The following BFAR variants were observed in gnomAD, a reference collection of about 807,000 sequenced individuals.
The protein encoded by BFAR is bifunctional apoptosis regulator.
BFAR carries 52 observed loss-of-function variants against 54.4 expected under a neutral mutation model. That is an observed-to-expected ratio of 0.96 (90% CI 0.77 to 1.21). BFAR has a LOEUF of 1.21. Ranked by LOEUF, BFAR falls within the 50% of genes most tolerant of loss-of-function variation. The probability of loss-of-function intolerance (pLI) is 0.00; values close to 1 mark genes in which losing one functional copy is unlikely to be tolerated. For missense variants in BFAR, 571 were observed against 534.0 expected (o/e 1.07, Z -0.68); for synonymous variants, 215 against 204.3 (o/e 1.05, Z -0.45).
intron 6 of BFAR, among the ~76,000 whole-genome samples, chr16:14,663,970 G>A (rs925647224): frequency 1.3e-5 from 2 of 151,768 alleles, no homozygotes; most frequent in South Asian, 2.1e-4. Flanking sequence ...GGCCGGGTGC[G>A]GTGGTTCACT....
rs79546825 is a variant in BFAR at position 14,644,459 on chromosome 16, A to G, written c.113A>G (p.Tyr38Cys). 441 of 1,614,106 alleles carry G rather than the reference A, an allele frequency of 2.7e-4. 4 individuals are homozygous for G. The East Asian group carries it at 8.8e-3, about 32-fold the overall frequency. ...AGTGAATTTTCTTGCCACTGCTGCT[A>G]CGACATCCTGGTTAACCCCACCACC... ...SVSEFSCHCCYDILVNPTTLN... is the reference protein window; with the variant it reads ...SVSEFSCHCCCDILVNPTTLN... Residue 38 changes from tyrosine to cysteine, a missense_variant, in exon 2 of 8, where the codon TAC becomes TGC. Transcript: ENST00000261658.
At chr16:14,652,890 A>G (rs1000842359) in intron 4 of BFAR, among the ~76,000 whole-genome samples, 17 of 152,054 alleles carry the variant, frequency 1.1e-4, no homozygotes, top group African/African-American at 3.9e-4. Flanking sequence ...TCAGACACCC[A>G]CTTCACCCAC....
chr16:14,664,819 T>C (rs1347093215), intron 6 of BFAR, 50 bp from the exon 7 acceptor site: 1 of 1,538,112 alleles, frequency 6.5e-7, no homozygotes, highest in Non-Finnish European at 9.0e-7. Flanking sequence ...CAATATTTTG[T>C]GTAAAAGTCA....
chr16:14,658,636 G>A (rs1489940658), intron 5 of BFAR, among the ~76,000 whole-genome samples: 1 of 151,870 alleles, frequency 6.6e-6, no homozygotes, highest in Admixed American at 6.6e-5. Context: ...GGGAGGCTGA[G>A]GCAGGAGAGT....
chr16:14,654,948 A>G, intron 4 of BFAR, 118 bp from the exon 5 acceptor site: 1 of 1,087,566 alleles, frequency 9.2e-7, no homozygotes, highest in Non-Finnish European at 1.3e-6. Flanking sequence ...GTTAAATGTG[A>G]AATGTCTCAC....
At chr16:14,648,635 C>T in intron 3 of BFAR, 43 bp downstream of exon 3, 1 of 1,250,398 alleles carries the variant, frequency 8.0e-7, no homozygotes, top group South Asian at 1.2e-5. Context: ...CCACACCTCA[C>T]CCCCCGACCC....
chr16:14,663,489 A>G (rs916879684), intron 6 of BFAR, among the ~76,000 whole-genome samples: 1 of 151,264 alleles, frequency 6.6e-6, no homozygotes, highest in South Asian at 2.1e-4. Context: ...CCGCCACCAC[A>G]CCCGGCTAAT....
chr16:14,662,048 A>C lies in BFAR; in HGVS notation c.940A>C (p.Ile314Leu), dbSNP rs181013614. 3 of 1,614,162 alleles carry C rather than the reference A, an allele frequency of 1.9e-6. No homozygotes were observed. In the East Asian group the frequency reaches 6.7e-5, roughly 36 times the overall value. The change falls in exon 6 of 8, where the codon ATC becomes CTC. Residue 314 changes from isoleucine to leucine, a missense_variant. Ile to Leu is a conservative substitution (Grantham distance 5). Transcript: ENST00000261658. ...GCAAGAAGACAGCTCTGGGGAGGACATCGTCACCAAGCTTCTGGTAGGTCT... is the reference window on the plus strand; with the variant it reads ...GCAAGAAGACAGCTCTGGGGAGGACCTCGTCACCAAGCTTCTGGTAGGTCT... ...PLQEDSSGED[I>L]VTKLLDLKEP...
chr16:14,639,753 G>A (rs960616658), intron 1 of BFAR, among the ~76,000 whole-genome samples: 1 of 152,118 alleles, frequency 6.6e-6, no homozygotes, highest in Non-Finnish European at 1.5e-5. Context: ...CATAGAGAAG[G>A]TCATGTTGAT....
chr16:14,651,878 CA>C (rs1959978389), intron 4 of BFAR, among the ~76,000 whole-genome samples: 2 of 142,324 alleles, frequency 1.4e-5, no homozygotes, highest in South Asian at 2.2e-4. Flanking sequence ...CTGACATGCC[CA>C]ATTTTTTTTT....
At chr16:14,650,944 A>G (rs143478760) in intron 4 of BFAR, among the ~76,000 whole-genome samples, 1 of 152,232 alleles carries the variant, frequency 6.6e-6, no homozygotes, top group African/African-American at 2.4e-5. Flanking sequence ...AATGTCCATG[A>G]CATTTAAATT....
At chr16:14,641,708 C>T (rs1046535936) in intron 1 of BFAR, among the ~76,000 whole-genome samples, 9 of 152,040 alleles carry the variant, frequency 5.9e-5, no homozygotes, top group Admixed American at 2.0e-4. Context: ...ACTAAAAATA[C>T]AAAATTAGCA....
intron 7 of BFAR, among the ~76,000 whole-genome samples, chr16:14,666,815 C>A (rs1960454471): frequency 6.6e-6 from 1 of 152,072 alleles, no homozygotes; most frequent in South Asian, 2.1e-4. Flanking sequence ...ATATTTATGC[C>A]CCTACTGTAC....
chr16:14,654,252 C>G, intron 4 of BFAR, among the ~76,000 whole-genome samples: 1 of 151,820 alleles, frequency 6.6e-6, no homozygotes, highest in East Asian at 1.9e-4. Flanking sequence ...ACCTCGTGAT[C>G]TGCCCGCCTC....
At chr16:14,636,935 G>C (rs1959465206) in intron 1 of BFAR, among the ~76,000 whole-genome samples, 1 of 152,192 alleles carries the variant, frequency 6.6e-6, no homozygotes, top group Non-Finnish European at 1.5e-5. Context: ...ATTTAACCCT[G>C]AGTTGACACA....
rs930505340 is a variant in BFAR, at chr16:14,648,471, T to C, written c.347T>C (p.Leu116Pro). The C allele has an allele frequency of 3.1e-6, 5 of 1,613,728 alleles. No individual in the cohort carries two copies. The African/African-American group carries it at 4.0e-5, about 13-fold the overall frequency. The change falls in exon 3 of 8, where the codon CTT (leucine) becomes CCT (proline). Residue 116 changes from leucine (L) to proline (P), a missense_variant. Leu to Pro is a moderately conservative substitution (Grantham distance 98). Coordinates refer to ENST00000261658, the MANE Select transcript of BFAR (RefSeq NM_016561.3). ...CAGAATAATGACATAGTCCAAAGTCTTGCAGCCTTTCAGAAATATGGGAAT... is the reference window on the plus strand; with the variant it reads ...CAGAATAATGACATAGTCCAAAGTCCTGCAGCCTTTCAGAAATATGGGAAT... ...IQQNNDIVQS[L>P]AAFQKYGNDQ... is the part of the protein sequence containing the mutation.
chr16:14,663,606 C>T (rs1412352382), intron 6 of BFAR, among the ~76,000 whole-genome samples: 1 of 150,308 alleles, frequency 6.7e-6, no homozygotes, highest in Non-Finnish European at 1.5e-5. Context: ...GCTGGGATTA[C>T]AGGCGTGAGC....
chr16:14,659,176 T>C (rs900543628), intron 5 of BFAR, among the ~76,000 whole-genome samples: 8 of 152,124 alleles, frequency 5.3e-5, no homozygotes, highest in Non-Finnish European at 1.2e-4. Flanking sequence ...CCCAAAGTGC[T>C]GGGATTATAG....
chr16:14,655,903 C>T (rs890179304), intron 5 of BFAR, among the ~76,000 whole-genome samples: 2 of 152,120 alleles, frequency 1.3e-5, no homozygotes, highest in Admixed American at 1.3e-4. Context: ...GGCAGCACAG[C>T]ACGGTGGTCA....
Sources: allele counts gnomAD v4.1 joint callset (sites outside exome capture counted in the v4.1 genomes callset), GRCh38; gene constraint gnomAD v4.1.1; transcripts MANE v1.5; gene names NCBI Gene and HGNC (gene_info 2026-07-23, HGNC 2026-07-21).